The following C4orf51 variants were observed in gnomAD, a reference collection of about 807,000 sequenced individuals.
The protein encoded by C4orf51 is chromosome 4 open reading frame 51, also known as uncharacterized protein C4orf51.
C4orf51 carries 25 observed loss-of-function variants against 25.2 expected under a neutral mutation model. That is an observed-to-expected ratio of 0.99 (90% CI 0.72 to 1.39). C4orf51 has a LOEUF of 1.39. C4orf51 is among the 40% of genes most tolerant of loss of function. C4orf51 has a pLI of 0.00. For synonymous variants in C4orf51, 100 were observed against 84.5 expected (o/e 1.18, Z -1.01); for missense variants, 252 against 239.6 (o/e 1.05, Z -0.34).
chr4:145,751,933 C>A (rs1371946320), intron 1 of C4orf51, among the ~76,000 whole-genome samples: 2 of 152,208 alleles, frequency 1.3e-5, no homozygotes. Flanking sequence ...CCATCACGTG[C>A]CCACAATATG....
At chr4:145,789,760 G>A in the C4orf51 span, among the ~76,000 whole-genome samples, 17 of 152,194 alleles carry the variant, frequency 1.1e-4, no homozygotes, top group Non-Finnish European at 2.1e-4. Context: ...TCTTCTGTCT[G>A]TTACAATCTC....
chr4:145,741,168 T>C (rs1250453035), intron 1 of C4orf51, among the ~76,000 whole-genome samples: 1 of 152,194 alleles, frequency 6.6e-6, no homozygotes, highest in Non-Finnish European at 1.5e-5. Flanking sequence ...AGCTGTAATA[T>C]TCCGGAATTT....
At position 145,745,673 on chromosome 4, in the gene C4orf51, G is replaced by A. The variant is rs544237488; in HGVS notation, n.168-8534G>A. On this transcript the variant is annotated intron_variant and non_coding_transcript_variant, in intron 1 of 1. Transcript: ENST00000508981. ...AATCTTGGCTATTGTGAACAGTGGC[G>A]TGAGAAATATGGAAGTGCTGATACC... is the stretch of plus-strand genomic sequence containing the variant. Among the ~76,000 whole-genome samples the A allele has an allele frequency of 7.9e-5, 12 of 152,266 alleles. 1 individual carries two copies. Among genetic ancestry groups the A allele is most frequent in the Admixed American group, 4.6e-4 (7 of 15,294 alleles).
the C4orf51 span, among the ~76,000 whole-genome samples, chr4:145,785,433 AT>A: frequency 6.6e-6 from 1 of 152,170 alleles, no homozygotes; most frequent in South Asian, 2.1e-4. Flanking sequence ...TTGACAATAC[AT>A]TATTATCAAG....
chr4:145,781,195 C>CAAAAAAAAAAA, the C4orf51 span, among the ~76,000 whole-genome samples: 67 of 56,550 alleles, frequency 1.2e-3, no homozygotes, highest in Non-Finnish European at 1.5e-3. Flanking sequence ...GACACCATCT[C>CAAAAAAAAAAA]AAAAAAAAAA....
the C4orf51 span, among the ~76,000 whole-genome samples, chr4:145,787,879 A>C: frequency 6.6e-6 from 1 of 152,200 alleles, no homozygotes; most frequent in Non-Finnish European, 1.5e-5. Context: ...CATCTTGCAC[A>C]GGGTCAAGTA....
At chr4:145,722,336 A>G (rs1009773391) in intron 2 of C4orf51, among the ~76,000 whole-genome samples, 9 of 152,218 alleles carry the variant, frequency 5.9e-5, no homozygotes, top group African/African-American at 1.9e-4. Context: ...TTAAAATATC[A>G]TAACAGTATA....
At chr4:145,750,523 A>G (rs1461225987) in intron 1 of C4orf51, among the ~76,000 whole-genome samples, 1 of 146,704 alleles carries the variant, frequency 6.8e-6, no homozygotes, top group Non-Finnish European at 1.5e-5. Flanking sequence ...TTGGAGCTCC[A>G]TTGTATGTTA....
At chr4:145,713,814 ACT>A (rs1478937342) in intron 2 of C4orf51, among the ~76,000 whole-genome samples, 1 of 151,668 alleles carries the variant, frequency 6.6e-6, no homozygotes, top group Non-Finnish European at 1.5e-5. Flanking sequence ...ATGGAGTCTC[ACT>A]CTGTTGCCCA....
intron 2 of C4orf51, among the ~76,000 whole-genome samples, chr4:145,697,461 C>A (rs1730147806): frequency 6.6e-6 from 1 of 152,164 alleles, no homozygotes; most frequent in Admixed American, 6.5e-5. Context: ...CATAAGGTCT[C>A]CATACATATT....
chr4:145,710,700 C>T (rs1189020776), intron 2 of C4orf51, among the ~76,000 whole-genome samples: 5 of 151,962 alleles, frequency 3.3e-5, no homozygotes, highest in African/African-American at 7.3e-5. Flanking sequence ...ACTGTCTTTC[C>T]CCGGCATTGG....
At chr4:145,777,069 AC>A in the C4orf51 span, among the ~76,000 whole-genome samples, 11 of 152,188 alleles carry the variant, frequency 7.2e-5, no homozygotes, top group Non-Finnish European at 1.6e-4. Flanking sequence ...TAAAGGAAAT[AC>A]CTGTCTTCTT....
rs371690700 is a variant in C4orf51, at chr4:145,752,873, G to GT, written n.168-1333dup. ...GCTGTTCTAAATGCTGCCAGCATGAGTGGGCATCTGTTGAGTTCAGCCTAG... is the reference window on the plus strand; with the variant it reads ...GCTGTTCTAAATGCTGCCAGCATGAGTTGGGCATCTGTTGAGTTCAGCCTAG... On this transcript the variant is annotated intron_variant and non_coding_transcript_variant, in intron 1 of 1. Transcript: ENST00000508981. Among the ~76,000 whole-genome samples, 7 of 151,966 alleles carry GT rather than the reference G, an allele frequency of 4.6e-5. No homozygotes were observed. The East Asian group carries it at 1.3e-3, about 29-fold the overall frequency.
At chr4:145,773,301 C>T (rs147166924), downstream of C4orf51, among the ~76,000 whole-genome samples, 19 of 152,294 alleles carry the variant, frequency 1.2e-4, no homozygotes, top group African/African-American at 2.9e-4. Context: ...CTTGGCATAA[C>T]GGCTCTCTGC....
intron 2 of C4orf51, among the ~76,000 whole-genome samples, chr4:145,717,212 C>T (rs1036865932): frequency 2.0e-5 from 3 of 152,080 alleles, no homozygotes; most frequent in African/African-American, 7.2e-5. Context: ...ACATGAGTAG[C>T]GAAAGCAATA....
intron 1 of C4orf51, among the ~76,000 whole-genome samples, chr4:145,738,059 T>C (rs1732894995): frequency 6.6e-6 from 1 of 151,846 alleles, no homozygotes. Flanking sequence ...GAGTAAGGCT[T>C]GGAGAGATTC....
intron 1 of C4orf51, among the ~76,000 whole-genome samples, chr4:145,749,748 C>G (rs1456466149): frequency 1.3e-5 from 2 of 152,134 alleles, no homozygotes; most frequent in African/African-American, 4.8e-5. Context: ...ATTCTCCTGC[C>G]TCAGCCTCCC....
chr4:145,699,913 C>G (rs1730317130), intron 2 of C4orf51, among the ~76,000 whole-genome samples: 1 of 152,250 alleles, frequency 6.6e-6, no homozygotes, highest in Middle Eastern at 3.4e-3. Flanking sequence ...CCCTTAGCGG[C>G]AAGTCCCGCT....
intron 1 of C4orf51, among the ~76,000 whole-genome samples, chr4:145,744,669 A>G (rs1733270453): frequency 6.6e-6 from 1 of 152,074 alleles, no homozygotes; most frequent in African/African-American, 2.4e-5. Flanking sequence ...AAAATTAGCA[A>G]TTCTACAAAA....
Sources: allele counts gnomAD v4.1 joint callset (sites outside exome capture counted in the v4.1 genomes callset), GRCh38; gene constraint gnomAD v4.1.1; transcripts MANE v1.5; gene names NCBI Gene and HGNC (gene_info 2026-07-23, HGNC 2026-07-21).